Variants in ANKRD31 observed in about 807,000 individuals in gnomAD.
ANKRD31 encodes the protein ankyrin repeat domain-containing protein 31.
Under a neutral mutation model 186.0 loss-of-function variants are expected in ANKRD31, and 147 were observed. The observed-to-expected ratio is 0.79, with a 90% CI of 0.69 to 0.91. ANKRD31 has a LOEUF of 0.91. ANKRD31 is among the 40% of genes least tolerant of loss of function. The pLI, the probability that ANKRD31 is intolerant of heterozygous loss-of-function variation, is 0.00. For synonymous variants in ANKRD31, 673 were observed against 736.4 expected, an observed-to-expected ratio of 0.91 and a Z score of 1.39; for missense variants, 1,986 against 2,148.8, an observed-to-expected ratio of 0.92 and a Z score of 1.50.
chr5:75,154,157 T>C, intron 12 of ANKRD31, 44 bp downstream of exon 12: 1 of 1,365,782 alleles, frequency 7.3e-7, no homozygotes, highest in Non-Finnish European at 9.5e-7. Context: ...TTCTGTAACT[T>C]CACTGATGTG....
intron 25 of ANKRD31, among the ~76,000 whole-genome samples, chr5:75,075,545 GTTAC>G (rs1301329870): frequency 6.6e-6 from 1 of 152,096 alleles, no homozygotes; most frequent in Non-Finnish European, 1.5e-5. Flanking sequence ...TATACTCACT[GTTAC>G]TTATTAGGAA....
intron 17 of ANKRD31, among the ~76,000 whole-genome samples, chr5:75,135,050 A>C (rs1034653342): frequency 6.6e-6 from 1 of 152,224 alleles, no homozygotes; most frequent in Non-Finnish European, 1.5e-5. Flanking sequence ...ACAAACCCAC[A>C]GCCAATATCA....
chr5:75,076,891 A>G (rs1744693246), intron 25 of ANKRD31, among the ~76,000 whole-genome samples: 1 of 152,246 alleles, frequency 6.6e-6, no homozygotes, highest in African/African-American at 2.4e-5. Context: ...GATCAGAAAT[A>G]TAATTCTAAT....
chr5:75,145,696 C>T (rs770942356), intron 14 of ANKRD31, among the ~76,000 whole-genome samples: 24 of 150,596 alleles, frequency 1.6e-4, no homozygotes, highest in Admixed American at 1.5e-3. Context: ...CAAATCTGCA[C>T]GTTCTACACA....
intron 25 of ANKRD31, among the ~76,000 whole-genome samples, chr5:75,076,550 C>T (rs1000282185): frequency 5.9e-5 from 9 of 152,138 alleles, no homozygotes; most frequent in Admixed American, 5.2e-4. Flanking sequence ...CTCTGAGCCC[C>T]GTCATTTAGT....
At chr5:75,202,247 G>A (rs910886657) in intron 5 of ANKRD31, among the ~76,000 whole-genome samples, 12 of 152,118 alleles carry the variant, frequency 7.9e-5, no homozygotes, top group African/African-American at 2.4e-4. Flanking sequence ...GACTCTTCTC[G>A]TTGACGAAAT....
At position 75,137,925 on chromosome 5, in the gene ANKRD31, A is replaced by G; in HGVS notation, c.3807T>C (p.Ala1269=). ...CATCTATATTTTCACAATTAACCTT[A>G]GCACCAGCTTTTAATAACTCTACAA... The part of the protein sequence containing the change: ...DIIVELLKAG[A]KVNCENIDGI... The change falls in exon 17 of 26, where the codon GCT becomes GCC. Residue 1269 remains alanine, a synonymous_variant. Transcript: ENST00000506364. 1 of 1,534,370 alleles carries G rather than the reference A, an allele frequency of 6.5e-7. No individual in the cohort carries two copies. Among genetic ancestry groups the G allele is most frequent in the Non-Finnish European group, 8.7e-7 (1 of 1,145,484 alleles).
At chr5:75,230,664 G>T in intron 1 of ANKRD31, 29 bp from the exon 2 acceptor site, 2 of 1,492,170 alleles carry the variant, frequency 1.3e-6, no homozygotes, top group Non-Finnish European at 1.8e-6. Flanking sequence ...GAAGGCACAA[G>T]TTGTTAATGT....
rs761188814 is a variant in ANKRD31 at position 75,146,388 on chromosome 5, T to G, written c.3023A>C (p.Asn1008Thr). 2.0e-6 allele frequency: 3 copies of G among 1,536,582 alleles called. No individual in the cohort carries two copies. Among genetic ancestry groups the G allele is most frequent in the Non-Finnish European group, 2.6e-6 (3 of 1,146,502 alleles). The change falls in exon 14 of 26, where the codon AAT becomes ACT. Residue 1008 changes from asparagine to threonine, a missense_variant. Asn to Thr is a moderately conservative substitution (Grantham distance 65, BLOSUM62 0). Coordinates refer to ENST00000506364, the MANE Select transcript of ANKRD31 (RefSeq NM_001372053.1). ...AAGTGTTCTCATACAAGCCAGGGAA[T>G]TTTGCTCAGGATTGCCATTTGAGTG... is the stretch of plus-strand genomic sequence containing the variant. The part of the protein sequence containing the change: ...FDHSNGNPEQ[N>T]SLACMRTLLT...
At chr5:75,164,469 T>C (rs1752785689) in intron 11 of ANKRD31, among the ~76,000 whole-genome samples, 1 of 152,228 alleles carries the variant, frequency 6.6e-6, no homozygotes, top group Non-Finnish European at 1.5e-5. Context: ...TATTACTCTT[T>C]GGTGAGGAGA....
chr5:75,089,260 C>A (rs1169382661), intron 23 of ANKRD31, among the ~76,000 whole-genome samples: 2 of 152,182 alleles, frequency 1.3e-5, no homozygotes, highest in African/African-American at 2.4e-5. Flanking sequence ...GTCAGTGATG[C>A]CCTCTCTGAG....
chr5:75,116,007 C>T (rs1748209201), intron 19 of ANKRD31, among the ~76,000 whole-genome samples: 1 of 151,472 alleles, frequency 6.6e-6, no homozygotes, highest in Non-Finnish European at 1.5e-5. Context: ...TTGGAACCAA[C>T]CCAAATGTCC....
chr5:75,161,131 G>A (rs990095259), intron 11 of ANKRD31, among the ~76,000 whole-genome samples: 2 of 152,190 alleles, frequency 1.3e-5, no homozygotes, highest in African/African-American at 4.8e-5. Flanking sequence ...GGGTGGTACA[G>A]TTCGGAGGGC....
Position 75,068,561 on chromosome 5 carries a change from C to T in ANKRD31, c.5751G>A (p.Gln1917=). ...QEFLPCHIMD[Q]HWKFCVECEE... is the part of the protein sequence containing the mutation. ...CACATTCCACACAAAACTTCCAATG[C>T]TGATCCATTATGTGGCATGGGAGAA... is the stretch of plus-strand genomic sequence containing the variant. Residue 1917 remains glutamine, a synonymous_variant, in exon 26 of 26, where the codon CAG becomes CAA. Transcript: ENST00000506364. 6.6e-7 allele frequency: 1 copy of T among 1,526,122 alleles called. No homozygotes were observed. Among genetic ancestry groups the T allele is most frequent in the Non-Finnish European group, 8.8e-7 (1 of 1,142,410 alleles). The allele number at this position is 1,526,122 out of a possible 1,614,324, so 94.5% of individuals were successfully genotyped here. A position where few individuals can be genotyped will look rare whatever the true frequency, so the allele number is the denominator to read the frequency against.
intron 23 of ANKRD31, among the ~76,000 whole-genome samples, chr5:75,086,036 T>C (rs184996007): frequency 5.3e-5 from 8 of 152,308 alleles, no homozygotes; most frequent in Middle Eastern, 3.4e-3. Context: ...GGCCCCTGAA[T>C]GCCATTTGTC....
chr5:75,096,768 C>G (rs1169120356), intron 22 of ANKRD31, among the ~76,000 whole-genome samples: 1 of 151,964 alleles, frequency 6.6e-6, no homozygotes, highest in South Asian at 2.1e-4. Flanking sequence ...CACCCATTAA[C>G]TCGTCATTTA....
rs371329708 is a variant in ANKRD31, at chr5:75,193,353, C to T, written c.1256G>A (p.Cys419Tyr). 6.5e-7 allele frequency: 1 copy of T among 1,536,758 alleles called. No homozygotes were observed. The highest frequency in any genetic ancestry group is 1.4e-5 in the African/African-American group (1 of 73,012). Residue 419 changes from cysteine to tyrosine, a missense_variant, in exon 8 of 26, where the codon TGT becomes TAT. Physicochemically the swap from Cys to Tyr is radical, Grantham distance 194 (BLOSUM62 -2). Coordinates refer to ENST00000506364, the MANE Select transcript of ANKRD31 (RefSeq NM_001372053.1). Reference sequence around the variant, plus strand: ...AGAGTTATTATTTGTTAGGTCCTCACAGCCAAGGATTTTTGGTAAAATCTT... The same window carrying T: ...AGAGTTATTATTTGTTAGGTCCTCATAGCCAAGGATTTTTGGTAAAATCTT... Reference protein sequence around the residue: ...PEKILPKILGCEDLTNNNSSA... With the variant: ...PEKILPKILGYEDLTNNNSSA...
At position 75,134,544 on chromosome 5, in the gene ANKRD31, T is replaced by C. The variant is rs539629332; in HGVS notation, c.3876+3312A>G. On this transcript the variant is annotated intron_variant, in intron 17 of 25. Coordinates refer to ENST00000506364, the MANE Select transcript of ANKRD31 (RefSeq NM_001372053.1). ...TTAATAGCCTACCAACCAAAAAAAG[T>C]CCAGGACCAGACGGATTCACAGCTA... 9.9e-5 allele frequency among the ~76,000 whole-genome samples: 15 copies of C among 152,084 alleles called. No homozygotes were observed. The East Asian group carries it at 2.9e-3, about 29-fold the overall frequency.
In ANKRD31 at chr5:75,133,337, CA is replaced by C. The variant is rs1212580744; in HGVS notation, c.3876+4518del. ...GAAGATCTACCAAGCAAATGGAAAACAAAAAAAAAAACAAGTATTGCAATTC... is the reference window on the plus strand; with the variant it reads ...GAAGATCTACCAAGCAAATGGAAAACAAAAAAAAAACAAGTATTGCAATTC... On this transcript the variant is annotated intron_variant, in intron 17 of 25. Coordinates refer to ENST00000506364, the MANE Select transcript of ANKRD31 (RefSeq NM_001372053.1). 2.9e-3 allele frequency among the ~76,000 whole-genome samples: 429 copies of C among 146,156 alleles called. 2 individuals carry two copies. Among genetic ancestry groups the C allele is most frequent in the African/African-American group, 8.5e-3 (347 of 40,916 alleles).
Sources: allele counts gnomAD v4.1 joint callset (sites outside exome capture counted in the v4.1 genomes callset), GRCh38; gene constraint gnomAD v4.1.1; transcripts MANE v1.5; gene names NCBI Gene and HGNC (gene_info 2026-07-23, HGNC 2026-07-21).